Variants in CNKSR2 observed in about 807,000 individuals in gnomAD.
CNKSR2 encodes CNK homolog protein 2.
Under a neutral mutation model 84.4 loss-of-function variants are expected in CNKSR2, and 14 were observed. That is an observed-to-expected ratio of 0.17 (90% CI 0.11 to 0.26). CNKSR2 has a LOEUF of 0.26. CNKSR2 is among the 10% of genes least tolerant of loss of function. The pLI is 1.00. For missense variants in CNKSR2, 485 were observed against 771.2 expected (o/e 0.63, Z 4.40); for synonymous variants, 275 against 277.9 (o/e 0.99, Z 0.10).
intron 9 of CNKSR2, among the ~76,000 whole-genome samples, chrX:21,517,049 A>G (rs2091734225): frequency 9.0e-6 from 1 of 111,434 alleles, no homozygotes; most frequent in African/African-American, 3.3e-5. Flanking sequence ...ATAGTAATTT[A>G]TAAACAGTAG....
intron 1 of CNKSR2, among the ~76,000 whole-genome samples, chrX:21,397,755 C>A (rs751460902): frequency 3.6e-5 from 4 of 110,699 alleles, no homozygotes; most frequent in Non-Finnish European, 5.7e-5. Flanking sequence ...TTGAATGGTC[C>A]CAACACAAAG....
At chrX:21,631,872 A>C (rs1000041901) in intron 20 of CNKSR2, among the ~76,000 whole-genome samples, 4 of 112,139 alleles carry the variant, frequency 3.6e-5, no homozygotes, top group African/African-American at 1.3e-4. Flanking sequence ...TACCGAGCTA[A>C]CATGCTAAAT....
At chrX:21,548,101 A>G (rs898580869) in intron 11 of CNKSR2, among the ~76,000 whole-genome samples, 1 of 112,150 alleles carries the variant, frequency 8.9e-6, no homozygotes, top group Non-Finnish European at 1.9e-5. Context: ...AAGGAGAGAC[A>G]TGAAAAACCC....
intron 13 of CNKSR2, among the ~76,000 whole-genome samples, chrX:21,584,977 C>T (rs1019995758): frequency 9.1e-6 from 1 of 110,379 alleles, no homozygotes; most frequent in Non-Finnish European, 1.9e-5. Flanking sequence ...CTTAGTGGCT[C>T]ACACCTGTAA....
intron 20 of CNKSR2, among the ~76,000 whole-genome samples, chrX:21,635,340 C>G (rs999742128): frequency 1.5e-4 from 16 of 106,215 alleles, no homozygotes; most frequent in Non-Finnish European, 3.1e-4. Context: ...TGTTAGTAAC[C>G]TCCTTGGCAC....
At position 21,374,437 on chromosome X, in the gene CNKSR2, T is replaced by C. The variant is rs1428546670; in HGVS notation, c.-461T>C. On this transcript the variant is annotated 5_prime_UTR_variant, in exon 1 of 22. Coordinates refer to ENST00000379510, the MANE Select transcript of CNKSR2 (RefSeq NM_014927.5). ...CCCCTCGTCATTTCCGCCGGGCAGC[T>C]AGTCGTGCTCGGGGCTTCACTCCCG... 1 of 292,850 alleles carries C rather than the reference T, an allele frequency of 3.4e-6. No homozygotes were observed. Among genetic ancestry groups the C allele is most frequent in the East Asian group, 8.9e-5 (1 of 11,256 alleles). The allele number at this position is 292,850 out of a possible 1,213,427, so 24.1% of individuals were successfully genotyped here. A position where few individuals can be genotyped will look rare whatever the true frequency, so the allele number is the denominator to read the frequency against.
intron 4 of CNKSR2, among the ~76,000 whole-genome samples, chrX:21,453,684 C>T (rs1187494903): frequency 4.5e-5 from 5 of 111,685 alleles, no homozygotes. Context: ...GTTTAAAGAG[C>T]TACCTGAGTC....
chrX:21,652,876 A>G lies in CNKSR2; in HGVS notation c.*355A>G, dbSNP rs2092724154. The G allele has an allele frequency of 7.6e-6, 1 of 131,478 alleles. No individual in the cohort carries two copies. The highest frequency in any genetic ancestry group is 1.5e-5 in the Non-Finnish European group (1 of 66,399). The allele number at this position is 131,478 out of a possible 1,213,427, so 10.8% of individuals were successfully genotyped here. ...CCTTTAAGTTAATTTTATATAAACA[A>G]GACTTCAAAAGTAAATCACATTTTT... On this transcript the variant is annotated 3_prime_UTR_variant, in exon 22 of 22. Transcript: ENST00000379510.
chrX:21,588,126 T>C (rs1392139846), intron 13 of CNKSR2, among the ~76,000 whole-genome samples: 1 of 112,285 alleles, frequency 8.9e-6, no homozygotes, highest in Non-Finnish European at 1.9e-5. Flanking sequence ...GATATTGAAT[T>C]GGGCATGTAG....
At chrX:21,640,110 T>C (rs778131846) in intron 20 of CNKSR2, among the ~76,000 whole-genome samples, 1 of 111,740 alleles carries the variant, frequency 8.9e-6, no homozygotes, top group Admixed American at 9.5e-5. Flanking sequence ...AATTCGGCAA[T>C]TGTGACTCGA....
chrX:21,480,031 A>G (rs1448318937), intron 5 of CNKSR2, among the ~76,000 whole-genome samples: 1 of 111,098 alleles, frequency 9.0e-6, no homozygotes, highest in African/African-American at 3.3e-5. Context: ...AAGAATGCCC[A>G]TGGGAACCTA....
At chrX:21,606,708 T>C in intron 18 of CNKSR2, 71 bp from the exon 19 acceptor site, 1 of 660,794 alleles carries the variant, frequency 1.5e-6, no homozygotes, top group Non-Finnish European at 2.3e-6. Flanking sequence ...TAAATGATAG[T>C]TTATGTTCGT....
intron 7 of CNKSR2, among the ~76,000 whole-genome samples, chrX:21,499,188 A>G (rs764414672): frequency 2.7e-5 from 3 of 111,905 alleles, no homozygotes; most frequent in African/African-American, 3.2e-5. Flanking sequence ...CTTGTCATCA[A>G]TTGTTCATTC....
intron 21 of CNKSR2, 80 bp from the exon 22 acceptor site, chrX:21,652,226 G>A: frequency 1.2e-6 from 1 of 831,868 alleles, no homozygotes; most frequent in African/African-American, 2.0e-5. Flanking sequence ...CTTCTTAAAT[G>A]TTTTGCCTAT....
intron 5 of CNKSR2, among the ~76,000 whole-genome samples, chrX:21,482,580 T>G (rs933369656): frequency 2.7e-5 from 3 of 112,343 alleles, no homozygotes; most frequent in Non-Finnish European, 5.6e-5. Flanking sequence ...GAGGAAATTA[T>G]GCTTTTAAGA....
At chrX:21,484,504 C>G (rs2091358763) in intron 5 of CNKSR2, among the ~76,000 whole-genome samples, 1 of 111,290 alleles carries the variant, frequency 9.0e-6, no homozygotes, top group Non-Finnish European at 1.9e-5. Flanking sequence ...ATCATTGTTG[C>G]CATCTTAAGA....
At chrX:21,586,159 T>C (rs935666967) in intron 13 of CNKSR2, among the ~76,000 whole-genome samples, 1 of 111,360 alleles carries the variant, frequency 9.0e-6, no homozygotes, top group Non-Finnish European at 1.9e-5. Flanking sequence ...CTGAGAGTCT[T>C]CTCTAATGAG....
chrX:21,628,911 A>G (rs1294878144), intron 20 of CNKSR2, among the ~76,000 whole-genome samples: 1 of 112,018 alleles, frequency 8.9e-6, no homozygotes, highest in Non-Finnish European at 1.9e-5. Context: ...AGAAAATGGG[A>G]TTTTCTTTTC....
intron 1 of CNKSR2, among the ~76,000 whole-genome samples, chrX:21,417,726 C>G (rs1435568071): frequency 9.0e-6 from 1 of 111,506 alleles, no homozygotes; most frequent in Non-Finnish European, 1.9e-5. Context: ...TACTCCTGCT[C>G]TTTTTGGGTT....
Sources: allele counts gnomAD v4.1 joint callset (sites outside exome capture counted in the v4.1 genomes callset), GRCh38; gene constraint gnomAD v4.1.1; transcripts MANE v1.5; gene names NCBI Gene and HGNC (gene_info 2026-07-23, HGNC 2026-07-21).